Variants in OVCH2 observed in about 807,000 individuals in gnomAD.
OVCH2 encodes ovochymase 2, also known as ovochymase-2.
Under a neutral mutation model 73.7 loss-of-function variants are expected in OVCH2, and 88 were observed. The observed-to-expected ratio is 1.19, with a 90% CI of 1.01 to 1.43. The LOEUF is 1.43. Among genes scored for constraint, OVCH2 ranks in the 40% most tolerant of loss-of-function variants. OVCH2 has a pLI of 0.00. For synonymous variants in OVCH2, 265 were observed against 234.5 expected (o/e 1.13, Z -1.19); for missense variants, 706 against 674.5 (o/e 1.05, Z -0.52).
intron 4 of OVCH2, among the ~76,000 whole-genome samples, 153 bp downstream of exon 4, chr11:7,702,004 C>T (rs1856449751): frequency 6.6e-6 from 1 of 152,164 alleles, no homozygotes; most frequent in African/African-American, 2.4e-5. Context: ...ATCTCCAGAA[C>T]CACAAGCAAA....
In OVCH2 at chr11:7,698,900, G is replaced by A. The variant is rs141368493; in HGVS notation, c.902-127C>T. 48 of 942,486 alleles carry A rather than the reference G, an allele frequency of 5.1e-5. No homozygotes were observed. In the African/African-American group the frequency reaches 6.6e-4, roughly 13 times the overall value. The allele number at this position is 942,486 out of a possible 1,614,324, so 58.4% of individuals were successfully genotyped here. Reference sequence around the variant, plus strand: ...TATGCAACTAATAAAAATCTTATCTGTGGAAAGAAGGGAAGGGATAAATGG... The same window carrying A: ...TATGCAACTAATAAAAATCTTATCTATGGAAAGAAGGGAAGGGATAAATGG... On this transcript the variant is annotated intron_variant, in intron 7 of 15. Coordinates refer to ENST00000533663, the MANE Select transcript of OVCH2 (RefSeq NM_198185.7).
At chr11:7,694,697 A>C (rs1856291351) in intron 12 of OVCH2, among the ~76,000 whole-genome samples, 1 of 151,832 alleles carries the variant, frequency 6.6e-6, no homozygotes, top group African/African-American at 2.4e-5. Context: ...GGCTCATTGC[A>C]ACCTCCATCT....
chr11:7,703,918 A>G (rs1856489423), intron 2 of OVCH2, 129 bp from the exon 3 acceptor site: 1 of 769,340 alleles, frequency 1.3e-6, no homozygotes, highest in Admixed American at 2.2e-5. Context: ...GTGGACTGTG[A>G]AAAGATAAAG....
chr11:7,705,101 C>A (rs1565172101), intron 1 of OVCH2, among the ~76,000 whole-genome samples: 1 of 152,160 alleles, frequency 6.6e-6, no homozygotes, highest in Non-Finnish European at 1.5e-5. Flanking sequence ...TGGAGGTCAT[C>A]CTTTTCCATA....
At position 7,702,318 on chromosome 11, in the gene OVCH2, G is replaced by A. The variant is rs772848001; in HGVS notation, c.302C>T (p.Ser101Phe). 6 of 1,592,158 alleles carry A rather than the reference G, an allele frequency of 3.8e-6. No individual in the cohort carries two copies. The highest frequency in any genetic ancestry group is 5.1e-6 in the Non-Finnish European group (6 of 1,172,914). The change falls in exon 4 of 16, where the codon TCT becomes TTT. Residue 101 changes from serine to phenylalanine, a missense_variant. Ser to Phe is a radical substitution (Grantham distance 155, BLOSUM62 -2). Coordinates refer to ENST00000533663, the MANE Select transcript of OVCH2 (RefSeq NM_198185.7). Reference sequence around the variant, plus strand: ...CTCTCCAGCAGTAACATTCAAAGTAGACACAATGTTTCTATGGAAAGCAAA... The same window carrying A: ...CTCTCCAGCAGTAACATTCAAAGTAAACACAATGTTTCTATGGAAAGCAAA... ...AHCIANRNIV[S>F]TLNVTAGEYD...
chr11:7,687,189 C>A (rs1027180385), downstream of OVCH2, among the ~76,000 whole-genome samples: 1 of 151,846 alleles, frequency 6.6e-6, no homozygotes, highest in Non-Finnish European at 1.5e-5. Context: ...GTTATTCATA[C>A]AGATGAAAAG....
At chr11:7,681,797 C>T in the OVCH2 span, among the ~76,000 whole-genome samples, 1 of 130,976 alleles carries the variant, frequency 7.6e-6, no homozygotes, top group South Asian at 2.4e-4. Flanking sequence ...ATGGGCGCTT[C>T]AGATTTGTAA....
At chr11:7,695,324 G>T (rs1304180912) in intron 11 of OVCH2, 136 bp from the exon 12 acceptor site, 30 of 1,124,736 alleles carry the variant, frequency 2.7e-5, no homozygotes, top group Non-Finnish European at 3.4e-5. Flanking sequence ...AAGACGTAGT[G>T]CATGATTCTC....
chr11:7,695,569 C>T lies in OVCH2; in HGVS notation c.1282+1G>A, dbSNP rs1291168939. On this transcript the variant is annotated splice_donor_variant, in intron 11 of 15. Coordinates refer to ENST00000533663, the MANE Select transcript of OVCH2 (RefSeq NM_198185.7). LOFTEE classifies it high-confidence loss of function. The stretch of plus-strand genomic sequence containing the variant: ...ATGTGATTAAAAGTAAATGGTTTTA[C>T]CAGGAATGTAGTTTGGTTTAAGAGC... The T allele has an allele frequency of 8.1e-6, 13 of 1,611,784 alleles. No homozygotes were observed. The highest frequency in any genetic ancestry group is 1.0e-5 in the Non-Finnish European group (12 of 1,178,480).
chr11:7,700,586 C>A lies in OVCH2; in HGVS notation c.712-101G>T, dbSNP rs562322212. On this transcript the variant is annotated intron_variant, in intron 6 of 15. Transcript: ENST00000533663. ...GATGCTGGAGGAGGATCAATGACAT[C>A]TCCTCACTTCTAATAATTTAGACTC... 13 of 1,269,926 alleles carry A rather than the reference C, an allele frequency of 1.0e-5. No homozygotes were observed. In the South Asian group the frequency reaches 1.5e-4, roughly 15 times the overall value. The allele number at this position is 1,269,926 out of a possible 1,614,324, so 78.7% of individuals were successfully genotyped here. A position where few individuals can be genotyped will look rare whatever the true frequency, so the allele number is the denominator to read the frequency against.
In OVCH2 at chr11:7,702,386, C is replaced by G. The variant is rs948522992; in HGVS notation, c.291-57G>C. On this transcript the variant is annotated intron_variant, in intron 3 of 15. Coordinates refer to ENST00000533663, the MANE Select transcript of OVCH2 (RefSeq NM_198185.7). ...TTCATTGTGCCTCTGAGTACAGTTG[C>G]AATGGTTGACACACTAGCTTCTTTA... 4.5e-5 allele frequency: 59 copies of G among 1,322,278 alleles called. No individual in the cohort carries two copies. The African/African-American group carries it at 8.1e-4, about 18-fold the overall frequency. The allele number at this position is 1,322,278 out of a possible 1,614,324, so 81.9% of individuals were successfully genotyped here.
intron 10 of OVCH2, 83 bp from the exon 11 acceptor site, chr11:7,695,793 CATG>C (rs774458570): frequency 2.0e-5 from 31 of 1,516,832 alleles, no homozygotes; most frequent in Non-Finnish European, 2.3e-5. Context: ...CTGAATTTGC[CATG>C]ATATTTCAGG....
At position 7,696,666 on chromosome 11, in the gene OVCH2, G is replaced by A. The variant is rs569311643; in HGVS notation, c.1016+43C>T. 117 of 1,613,804 alleles carry A rather than the reference G, an allele frequency of 7.2e-5. 1 individual carries two copies. Among genetic ancestry groups the A allele is most frequent in the Admixed American group, 1.7e-4 (10 of 60,010 alleles). On this transcript the variant is annotated intron_variant, in intron 9 of 15. Coordinates refer to ENST00000533663, the MANE Select transcript of OVCH2 (RefSeq NM_198185.7). ...ACAGTCCAATTGGTGGGCCCAGACCGGAGGTGGGAGTAAGGAGGAGGAGTA... is the reference window on the plus strand; with the variant it reads ...ACAGTCCAATTGGTGGGCCCAGACCAGAGGTGGGAGTAAGGAGGAGGAGTA...
intron 10 of OVCH2, among the ~76,000 whole-genome samples, chr11:7,696,253 G>A (rs1589876233): frequency 1.3e-5 from 2 of 152,160 alleles, no homozygotes; most frequent in African/African-American, 4.8e-5. Context: ...CTGGTTTGAT[G>A]GGAAGCAGAT....
At position 7,695,594 on chromosome 11, in the gene OVCH2, C is replaced by T. The variant is rs1209330484; in HGVS notation, c.1258G>A (p.Ala420Thr). 3 of 1,613,490 alleles carry T rather than the reference C, an allele frequency of 1.9e-6. No homozygotes were observed. The highest frequency in any genetic ancestry group is 2.5e-6 in the Non-Finnish European group (3 of 1,179,676). Residue 420 changes from alanine to threonine, a missense_variant, in exon 11 of 16, where the codon GCT (alanine) becomes ACT (threonine). Ala to Thr is a moderately conservative substitution (Grantham distance 58). Transcript: ENST00000533663. ...NAAGFNLTYK[A>T]LKPNYIPDSG... ...CCAGGAATGTAGTTTGGTTTAAGAG[C>T]TTTATAGGTAAGATTAAACCCAGCT...
chr11:7,701,781 T>C lies in OVCH2; in HGVS notation c.494A>G (p.Glu165Gly). The C allele has an allele frequency of 6.2e-7, 1 of 1,612,328 alleles. No homozygotes were observed. Among genetic ancestry groups the C allele is most frequent in the Non-Finnish European group, 8.5e-7 (1 of 1,179,362 alleles). Residue 165 changes from glutamate to glycine, a missense_variant, in exon 5 of 16, where the codon GAG (glutamate) becomes GGG (glycine). Transcript: ENST00000533663. The stretch of plus-strand genomic sequence containing the variant: ...ACCAGCCTCAAATTGCTCCCGCAGC[T>C]CTGGAAGACATATGGGCCCCACAAA... ...GHFVGPICLP[E>G]LREQFEAGFI...
Position 7,689,499 on chromosome 11 carries a change from G to A in OVCH2, c.*135C>T, listed in dbSNP as rs1408633149. The A allele has an allele frequency of 8.2e-6, 3 of 363,850 alleles. No individual in the cohort carries two copies. Among genetic ancestry groups the A allele is most frequent in the African/African-American group, 2.1e-5 (1 of 47,442 alleles). The allele number at this position is 363,850 out of a possible 1,614,324, so 22.5% of individuals were successfully genotyped here. Reference sequence around the variant, plus strand: ...TGGAGGCTAGAAGTCCAAGATCAACGTGTCAGCAGGGATGGCTCTGTCTGA... The same window carrying A: ...TGGAGGCTAGAAGTCCAAGATCAACATGTCAGCAGGGATGGCTCTGTCTGA... On this transcript the variant is annotated 3_prime_UTR_variant, in exon 16 of 16. Coordinates refer to ENST00000533663, the MANE Select transcript of OVCH2 (RefSeq NM_198185.7).
intron 12 of OVCH2, among the ~76,000 whole-genome samples, chr11:7,692,875 CATAATATTTCATTTATCTCT>C (rs1856247896): frequency 6.6e-6 from 1 of 152,164 alleles, no homozygotes. Context: ...TTATTGGCAG[CATAATATTTCATTTATCTCT>C]ATCCTTGAGA....
At position 7,706,404 on chromosome 11, in the gene OVCH2, CAT is replaced by C. The variant is rs767335262; in HGVS notation, c.-12_-11del. On this transcript the variant is annotated 5_prime_UTR_variant, in exon 1 of 16. The change abolishes an upstream ATG in the 5' untranslated region. Coordinates refer to ENST00000533663, the MANE Select transcript of OVCH2 (RefSeq NM_198185.7). ...TCCTGCTTATAAGCATTTTGAGACT[CAT>C]AGTTTTTCCCTGAAATTTTAGAGAG... 3.2e-6 allele frequency: 5 copies of C among 1,559,438 alleles called. No homozygotes were observed. The highest frequency in any genetic ancestry group is 4.3e-6 in the Non-Finnish European group (5 of 1,150,936).
Sources: gnomAD v4.1 joint callset for allele counts (sites outside exome capture counted in the v4.1 genomes callset) on GRCh38, gnomAD v4.1.1 for gene constraint, MANE v1.5 for transcripts, NCBI Gene and HGNC (gene_info 2026-07-23, HGNC 2026-07-21) for gene names.